Variants in PRKCE observed in about 807,000 individuals in gnomAD.
PRKCE encodes protein kinase C epsilon type.
PRKCE carries 16 observed loss-of-function variants against 85.4 expected under a neutral mutation model. The observed-to-expected ratio is 0.19, with a 90% CI of 0.13 to 0.28. The LOEUF is 0.28. PRKCE is among the 10% of genes least tolerant of loss of function. The pLI is 1.00. For missense variants in PRKCE, 573 were observed against 975.2 expected (o/e 0.59, Z 5.49); for synonymous variants, 388 against 371.5 (o/e 1.04, Z -0.51).
chr2:46,042,248 C>G (rs772690457), intron 10 of PRKCE, among the ~76,000 whole-genome samples: 1 of 152,192 alleles, frequency 6.6e-6, no homozygotes, highest in Non-Finnish European at 1.5e-5. Flanking sequence ...AGCTGACACA[C>G]AGTCTGTCTG....
In PRKCE at chr2:46,045,228, A is replaced by G. The variant is rs1159868064; in HGVS notation, c.1437+34711A>G. Among the ~76,000 whole-genome samples, 4 of 152,256 alleles carry G rather than the reference A, an allele frequency of 2.6e-5. No individual in the cohort carries two copies. The East Asian group carries it at 7.7e-4, about 29-fold the overall frequency. On this transcript the variant is annotated intron_variant, in intron 10 of 14. Coordinates refer to ENST00000306156, the MANE Select transcript of PRKCE (RefSeq NM_005400.3). ...GTTACTTATGTGTATGTACACATAT[A>G]TAGTATTTACATACATACATACACC...
At chr2:46,179,698 A>G (rs1196131989) in intron 14 of PRKCE, among the ~76,000 whole-genome samples, 2 of 152,192 alleles carry the variant, frequency 1.3e-5, no homozygotes, top group African/African-American at 4.8e-5. Flanking sequence ...TGTGTCAGCA[A>G]TTAGAAAACT....
chr2:45,981,725 C>T (rs1234113952), intron 5 of PRKCE, among the ~76,000 whole-genome samples: 1 of 152,212 alleles, frequency 6.6e-6, no homozygotes, highest in East Asian at 1.9e-4. Flanking sequence ...TTATTTCCTT[C>T]CTATGGACAT....
intron 10 of PRKCE, among the ~76,000 whole-genome samples, chr2:46,035,090 A>T (rs1558986466): frequency 6.6e-6 from 1 of 152,216 alleles, no homozygotes; most frequent in African/African-American, 2.4e-5. Flanking sequence ...CTTCCTTCAG[A>T]CAGGGTCTCC....
intron 11 of PRKCE, among the ~76,000 whole-genome samples, chr2:46,087,604 C>T (rs1455194899): frequency 6.6e-6 from 1 of 152,240 alleles, no homozygotes; most frequent in African/African-American, 2.4e-5. Flanking sequence ...GGCCCTCTGC[C>T]ATGGGAATCG....
chr2:46,096,040 T>C (rs533406371), intron 11 of PRKCE, among the ~76,000 whole-genome samples: 1 of 152,328 alleles, frequency 6.6e-6, no homozygotes, highest in South Asian at 2.1e-4. Flanking sequence ...ACTGGCACTG[T>C]GTCAGGTCAC....
chr2:45,855,361 C>T (rs949035581), intron 2 of PRKCE, among the ~76,000 whole-genome samples: 1 of 152,156 alleles, frequency 6.6e-6, no homozygotes, highest in South Asian at 2.1e-4. Context: ...AAAAATCTTA[C>T]AAATTTAGGC....
chr2:45,747,305 C>A (rs1683218199), intron 1 of PRKCE, among the ~76,000 whole-genome samples: 1 of 152,152 alleles, frequency 6.6e-6, no homozygotes, highest in Admixed American at 6.5e-5. Context: ...ATGCACTCTC[C>A]AGAACTCTTT....
Position 45,907,482 on chromosome 2 carries a change from A to AATT in PRKCE, c.412+64420_412+64421insTTA, listed in dbSNP as rs1697066569. ...CGAGTTTTGTCCCTGCCACAGAGGT[A>AATT]ACAATGGACGAAGCACACTTCTGAG... On this transcript the variant is annotated intron_variant, in intron 2 of 14. Coordinates refer to ENST00000306156, the MANE Select transcript of PRKCE (RefSeq NM_005400.3). This position sits in a 1 kb window ranked among gnomAD's most constrained non-coding sequence, Gnocchi z 4.5. Among the ~76,000 whole-genome samples, 1 of 152,244 alleles carries AATT rather than the reference A, an allele frequency of 6.6e-6. No homozygotes were observed. Among genetic ancestry groups the AATT allele is most frequent in the Non-Finnish European group, 1.5e-5 (1 of 68,026 alleles).
chr2:45,703,751 T>G (rs1678878491), intron 1 of PRKCE, among the ~76,000 whole-genome samples: 1 of 152,202 alleles, frequency 6.6e-6, no homozygotes, highest in South Asian at 2.1e-4. Flanking sequence ...ACATTTCTTT[T>G]GTTTTGGTTT....
intron 14 of PRKCE, among the ~76,000 whole-genome samples, chr2:46,165,418 G>T (rs572387915): frequency 5.2e-4 from 79 of 152,324 alleles, no homozygotes; most frequent in Non-Finnish European, 8.7e-4. Context: ...GACACACAGT[G>T]GGGGGCTGTT....
chr2:45,888,127 ATG>A (rs1174498040), intron 2 of PRKCE, among the ~76,000 whole-genome samples: 2 of 152,188 alleles, frequency 1.3e-5, no homozygotes, highest in African/African-American at 2.4e-5. Context: ...ATTTTGGGGA[ATG>A]TGTGTGTGGA....
intron 2 of PRKCE, among the ~76,000 whole-genome samples, chr2:45,848,001 C>T (rs1304011207): frequency 6.6e-6 from 1 of 152,192 alleles, no homozygotes; most frequent in Non-Finnish European, 1.5e-5. Flanking sequence ...AATAATTCTT[C>T]CTACTGACCT....
chr2:46,163,712 A>AC (rs1678019612), intron 14 of PRKCE, among the ~76,000 whole-genome samples: 2 of 146,054 alleles, frequency 1.4e-5, no homozygotes, highest in Admixed American at 6.7e-5. Flanking sequence ...GGCACACCCC[A>AC]AAGAGGCCAC....
intron 11 of PRKCE, among the ~76,000 whole-genome samples, chr2:46,093,481 T>C (rs765820172): frequency 6.6e-6 from 1 of 152,206 alleles, no homozygotes; most frequent in Non-Finnish European, 1.5e-5. Context: ...GCTGGGTCTT[T>C]TGGTATGTAC....
intron 1 of PRKCE, among the ~76,000 whole-genome samples, chr2:45,721,094 G>A (rs1422718509): frequency 2.0e-5 from 3 of 152,110 alleles, no homozygotes; most frequent in African/African-American, 7.2e-5. Context: ...GCGACACAGC[G>A]AGACTCCATC....
In PRKCE at chr2:45,917,724, G is replaced by A. The variant is rs563322746; in HGVS notation, c.413-58705G>A. Among the ~76,000 whole-genome samples the A allele has an allele frequency of 4.7e-4, 72 of 152,332 alleles. 1 individual carries two copies. In the South Asian group the frequency reaches 4.8e-3, roughly 10 times the overall value. ...GACTGGGCGCCGTGGAGCAGGGGGC[G>A]GCGCTCGTCGGGGAGGCTCCGGCCG... On this transcript the variant is annotated intron_variant, in intron 2 of 14. Coordinates refer to ENST00000306156, the MANE Select transcript of PRKCE (RefSeq NM_005400.3).
At chr2:45,987,432 C>T (rs1703423701) in intron 6 of PRKCE, among the ~76,000 whole-genome samples, 1 of 152,144 alleles carries the variant, frequency 6.6e-6, no homozygotes, top group Admixed American at 6.5e-5. Context: ...TTTCCCCTTG[C>T]TGCTGTTCTG....
chr2:45,942,570 G>C (rs970674966), intron 2 of PRKCE, among the ~76,000 whole-genome samples: 1 of 152,208 alleles, frequency 6.6e-6, no homozygotes, highest in Non-Finnish European at 1.5e-5. Flanking sequence ...AGGGGATGGC[G>C]TAGGGTGTGC....
Sources: allele counts gnomAD v4.1 joint callset (sites outside exome capture counted in the v4.1 genomes callset), GRCh38; gene constraint gnomAD v4.1.1; non-coding constraint Gnocchi (gnomAD v3.1); transcripts MANE v1.5; gene names NCBI Gene and HGNC (gene_info 2026-07-23, HGNC 2026-07-21).